Variants in ADGRE3 observed in about 807,000 individuals in gnomAD.
The protein encoded by ADGRE3 is adhesion G protein-coupled receptor E3.
Under a neutral mutation model 80.1 loss-of-function variants are expected in ADGRE3, and 88 were observed. The observed-to-expected ratio is 1.10, with a 90% CI of 0.93 to 1.31. The LOEUF (loss-of-function observed/expected upper bound fraction) is 1.31, where lower values mean the gene tolerates loss of function less well. Ranked by LOEUF, ADGRE3 falls within the 40% of genes most tolerant of loss-of-function variation. The probability of loss-of-function intolerance (pLI) is 0.00; values close to 1 mark genes in which losing one functional copy is unlikely to be tolerated. For synonymous variants in ADGRE3, 281 were observed against 294.8 expected, an observed-to-expected ratio of 0.95 and a Z score of 0.48; for missense variants, 715 against 776.5, an observed-to-expected ratio of 0.92 and a Z score of 0.94.
At chr19:14,639,555 C>T (rs1237209964) in intron 10 of ADGRE3, among the ~76,000 whole-genome samples, 1 of 152,000 alleles carries the variant, frequency 6.6e-6, no homozygotes, top group Non-Finnish European at 1.5e-5. Context: ...CAGACGTGCA[C>T]CACTGTGTCC....
the ADGRE3 span, among the ~76,000 whole-genome samples, chr19:14,612,034 T>A: frequency 6.6e-6 from 1 of 152,054 alleles, no homozygotes; most frequent in South Asian, 2.1e-4. Context: ...AAATTCACTT[T>A]ACTTCTGTGT....
At chr19:14,617,254 TCTTC>T (rs1200239121), downstream of ADGRE3, among the ~76,000 whole-genome samples, 1 of 151,514 alleles carries the variant, frequency 6.6e-6, no homozygotes, top group Non-Finnish European at 1.5e-5. Context: ...CTTTTTTCTT[TCTTC>T]CTTCCTTCCT....
chr19:14,671,899 C>T (rs372986278), intron 1 of ADGRE3, among the ~76,000 whole-genome samples: 1 of 152,110 alleles, frequency 6.6e-6, no homozygotes, highest in African/African-American at 2.4e-5. Context: ...GCATGAGATA[C>T]CACTTGTGGC....
rs1217192329 is a variant in ADGRE3, at chr19:14,646,693, C to CTCCTTCCTTCCTTCCT, written c.882+472_882+487dup. ...CCTCCCTCCCTCCCTCCCTCCCTCC[C>CTCCTTCCTTCCTTCCT]TCCTTCCTTCCTTCCTTCCTTCCTT... On this transcript the variant is annotated intron_variant, in intron 8 of 15. Transcript: ENST00000253673. 2.4e-3 allele frequency among the ~76,000 whole-genome samples: 159 copies of CTCCTTCCTTCCTTCCT among 66,506 alleles called. 4 individuals are homozygous for CTCCTTCCTTCCTTCCT. The highest frequency in any genetic ancestry group is 9.8e-3 in the African/African-American group (123 of 12,614). The allele number at this position is 66,506 out of a possible 152,430, so 43.6% of individuals were successfully genotyped here.
chr19:14,657,442 G>C (rs73506183), intron 5 of ADGRE3, among the ~76,000 whole-genome samples: 4,559 of 152,010 alleles, frequency 0.03, 212 homozygotes, highest in African/African-American at 0.1. Context: ...CTTGGTCTGG[G>C]ATAGATTCCT....
intron 7 of ADGRE3, among the ~76,000 whole-genome samples, chr19:14,650,003 C>T (rs1389106487): frequency 1.6e-5 from 2 of 123,832 alleles, no homozygotes; most frequent in African/African-American, 6.1e-5. Context: ...TCCATCTCTC[C>T]CTCCCCATCT....
chr19:14,673,754 G>A (rs1972316351), intron 1 of ADGRE3, among the ~76,000 whole-genome samples: 1 of 152,162 alleles, frequency 6.6e-6, no homozygotes, highest in South Asian at 2.1e-4. Flanking sequence ...ATAAATTTAT[G>A]GGATACAAGT....
intron 15 of ADGRE3, chr19:14,621,962 G>C (rs1970616483): frequency 9.8e-7 from 1 of 1,022,838 alleles, no homozygotes; most frequent in Admixed American, 2.5e-5. Flanking sequence ...CTTACAATGG[G>C]ACACAGGATC....
the ADGRE3 span, chr19:14,600,123 C>A: frequency 6.2e-7 from 1 of 1,613,976 alleles, no homozygotes; most frequent in South Asian, 1.1e-5. Flanking sequence ...GGATGAGGCC[C>A]GGATGTTCTG....
chr19:14,665,453 G>A (rs1972065620), intron 2 of ADGRE3, among the ~76,000 whole-genome samples: 1 of 151,930 alleles, frequency 6.6e-6, no homozygotes, highest in South Asian at 2.1e-4. Flanking sequence ...GCAATTGACC[G>A]TGCACGCAAG....
chr19:14,668,933 C>T (rs2146911280), intron 1 of ADGRE3, 81 bp from the exon 2 acceptor site: 1 of 1,338,560 alleles, frequency 7.5e-7, no homozygotes, highest in South Asian at 1.2e-5. Context: ...GACTGTGTAT[C>T]AGTTATCTAT....
At chr19:14,659,249 G>T (rs1175184649) in intron 4 of ADGRE3, among the ~76,000 whole-genome samples, 3 of 151,758 alleles carry the variant, frequency 2.0e-5, no homozygotes, top group African/African-American at 7.3e-5. Flanking sequence ...CGCCATGTTG[G>T]CCAGGCTGAT....
intron 9 of ADGRE3, among the ~76,000 whole-genome samples, chr19:14,643,715 ATT>A (rs796169416): frequency 7.0e-6 from 1 of 143,402 alleles, no homozygotes; most frequent in Non-Finnish European, 1.5e-5. Flanking sequence ...CCACATGTTG[ATT>A]TTTTTTTTTT....
At chr19:14,647,992 G>A (rs35894377) in intron 7 of ADGRE3, among the ~76,000 whole-genome samples, 8,670 of 146,418 alleles carry the variant, frequency 0.059, 344 homozygotes, top group Non-Finnish European at 0.08. Flanking sequence ...TGAGGCTGGA[G>A]AATCGCTTGA....
At chr19:14,632,433 A>G (rs726788) in intron 13 of ADGRE3, among the ~76,000 whole-genome samples, 75,526 of 152,014 alleles carry the variant, frequency 0.5, 19,127 homozygotes, top group Non-Finnish European at 0.53. Context: ...CACATGGTCA[A>G]GGTAGAGACT....
intron 15 of ADGRE3, among the ~76,000 whole-genome samples, chr19:14,620,548 T>TATAATATATATATATATTA: frequency 4.0e-5 from 1 of 24,982 alleles, no homozygotes; most frequent in African/African-American, 2.1e-4. Flanking sequence ...TATATATATA[T>TATAATATATATATATATTA]TATATATATA....
At chr19:14,645,421 AG>A (rs1971371212) in intron 8 of ADGRE3, among the ~76,000 whole-genome samples, 2 of 152,224 alleles carry the variant, frequency 1.3e-5, no homozygotes, top group African/African-American at 4.8e-5. Context: ...CACTTTGGGA[AG>A]CCAAGGCGGG....
chr19:14,607,305 A>T, the ADGRE3 span, among the ~76,000 whole-genome samples: 1 of 150,466 alleles, frequency 6.6e-6, no homozygotes, highest in Admixed American at 6.6e-5. Flanking sequence ...CCCAGGTTCA[A>T]GGTATTCTCT....
downstream of ADGRE3, chr19:14,619,052 G>A (rs1599595077): frequency 1.2e-5 from 3 of 258,412 alleles, no homozygotes; most frequent in East Asian, 1.5e-4. Context: ...AGTGAGCTAC[G>A]ATCATGCCAC....
Sources: gnomAD v4.1 joint callset for allele counts (sites outside exome capture counted in the v4.1 genomes callset) on GRCh38, gnomAD v4.1.1 for gene constraint, MANE v1.5 for transcripts, NCBI Gene and HGNC (gene_info 2026-07-23, HGNC 2026-07-21) for gene names.